CASK: variants seen among roughly 807,000 people sequenced by gnomAD.
CASK encodes the protein calcium/calmodulin dependent serine protein kinase, also known as peripheral plasma membrane protein CASK.
A neutral mutation model predicts 82.9 loss-of-function variants in CASK; 4 were observed. The ratio of observed to expected loss-of-function variants is 0.05; its 90% CI spans 0.02 to 0.11. The LOEUF is 0.11. CASK is among the 10% of genes least tolerant of loss of function. The probability of loss-of-function intolerance (pLI) is 1.00; values close to 1 mark genes in which losing one functional copy is unlikely to be tolerated. For missense variants in CASK, 358 were observed against 720.9 expected, an observed-to-expected ratio of 0.50 and a Z score of 5.76; for synonymous variants, 259 against 253.5, an observed-to-expected ratio of 1.02 and a Z score of -0.20.
chrX:41,555,926 TAAAAA>T, intron 19 of CASK: 1 of 168,144 alleles, frequency 5.9e-6, no homozygotes, highest in Non-Finnish European at 1.1e-5. Flanking sequence ...AACAGCCTAT[TAAAAA>T]AAAAAAATAA....
intron 9 of CASK, among the ~76,000 whole-genome samples, chrX:41,632,091 C>T (rs1399568347): frequency 9.0e-6 from 1 of 110,706 alleles, no homozygotes; most frequent in Non-Finnish European, 1.9e-5. Flanking sequence ...CAACCACACC[C>T]GGCAAATTTT....
intron 2 of CASK, among the ~76,000 whole-genome samples, chrX:41,847,439 T>C (rs2071177820): frequency 8.9e-6 from 1 of 111,996 alleles, no homozygotes; most frequent in African/African-American, 3.2e-5. Context: ...AGAATTTTGA[T>C]TTGATTTTCT....
At chrX:41,883,272 T>A (rs747846932) in intron 1 of CASK, among the ~76,000 whole-genome samples, 2 of 111,871 alleles carry the variant, frequency 1.8e-5, no homozygotes, top group East Asian at 5.6e-4. Context: ...TTAAATCGAC[T>A]GAAAGTCACA....
intron 15 of CASK, among the ~76,000 whole-genome samples, chrX:41,576,209 G>A (rs971570915): frequency 2.7e-5 from 3 of 110,142 alleles, no homozygotes; most frequent in Middle Eastern, 4.6e-3. Flanking sequence ...TCCTGACCTC[G>A]TGATCCACCC....
chrX:41,826,065 A>G (rs781065827), intron 2 of CASK, among the ~76,000 whole-genome samples: 5 of 112,016 alleles, frequency 4.5e-5, no homozygotes, highest in Admixed American at 9.5e-5. Flanking sequence ...GGATTTTAGT[A>G]CTGCCTCGGA....
chrX:41,910,391 G>T (rs2801156), intron 1 of CASK, among the ~76,000 whole-genome samples: 18,910 of 110,785 alleles, frequency 0.17, 1,439 homozygotes, highest in Middle Eastern at 0.29. Context: ...AAACCAACTG[G>T]TGATATCACA....
chrX:41,648,919 C>T (rs1469341432), intron 8 of CASK, among the ~76,000 whole-genome samples: 1 of 111,529 alleles, frequency 9.0e-6, no homozygotes, highest in Non-Finnish European at 1.9e-5. Flanking sequence ...TTAATTATTG[C>T]CTCAATTTCA....
chrX:41,604,522 C>G (rs1394468823), intron 12 of CASK, among the ~76,000 whole-genome samples: 2 of 108,480 alleles, frequency 1.8e-5, no homozygotes, highest in Admixed American at 2.0e-4. Flanking sequence ...TTCCCTGGAT[C>G]CTTTGGAGGG....
intron 3 of CASK, among the ~76,000 whole-genome samples, chrX:41,758,184 C>T (rs2068931732): frequency 9.0e-6 from 1 of 111,281 alleles, no homozygotes; most frequent in Non-Finnish European, 1.9e-5. Flanking sequence ...CCTGTAATCC[C>T]AGCACTTTGG....
chrX:41,596,064 G>T (rs1348568732), intron 12 of CASK, among the ~76,000 whole-genome samples: 1 of 109,727 alleles, frequency 9.1e-6, no homozygotes, highest in East Asian at 2.9e-4. Context: ...GTGTGGTGGT[G>T]CATGCCTGTA....
intron 5 of CASK, chrX:41,696,076 T>C: frequency 8.3e-7 from 1 of 1,201,829 alleles, no homozygotes. Flanking sequence ...CTTGGATTCA[T>C]CAGTTTGGAT....
In CASK at chrX:41,909,766, G is replaced by A. The variant is rs766670081; in HGVS notation, c.59+13164C>T. Reference sequence around the variant, plus strand: ...ATTACAGGCACACGCCACCATGGCCGGCTAATTTTATGACATTTTTAGTAG... The same window carrying A: ...ATTACAGGCACACGCCACCATGGCCAGCTAATTTTATGACATTTTTAGTAG... On this transcript the variant is annotated intron_variant, in intron 1 of 26. Coordinates refer to ENST00000378163, the MANE Select transcript of CASK (RefSeq NM_001367721.1). 2.7e-5 allele frequency among the ~76,000 whole-genome samples: 3 copies of A among 111,331 alleles called. No homozygotes were observed. In the South Asian group the frequency reaches 1.1e-3, roughly 42 times the overall value.
chrX:41,895,752 G>C (rs1324789661), intron 1 of CASK, among the ~76,000 whole-genome samples: 2 of 111,666 alleles, frequency 1.8e-5, no homozygotes, highest in African/African-American at 6.5e-5. Context: ...ACCTGCAGTG[G>C]GGGAATCTAA....
chrX:41,682,012 G>A (rs1390410801), intron 5 of CASK, among the ~76,000 whole-genome samples: 2 of 101,367 alleles, frequency 2.0e-5, no homozygotes, highest in African/African-American at 7.3e-5. Context: ...AACTGCAATT[G>A]GCTGCCATCT....
At chrX:41,523,193 AATATAC>A (rs2064662825) in intron 26 of CASK, among the ~76,000 whole-genome samples, 1 of 112,775 alleles carries the variant, frequency 8.9e-6, no homozygotes, top group Admixed American at 9.3e-5. Context: ...TTTACAAAGG[AATATAC>A]CTCTTGCAGA....
Position 41,770,291 on chromosome X carries a change from TCTATCTAC to T in CASK, c.278+16879_278+16886del, listed in dbSNP as rs1398428989. ...ATCTATCTATCTATCTATCTATCTA[TCTATCTAC>T]CTACCTACCTACCTATCCATCCATC... is the stretch of plus-strand genomic sequence containing the variant. On this transcript the variant is annotated intron_variant, in intron 3 of 26. Coordinates refer to ENST00000378163, the MANE Select transcript of CASK (RefSeq NM_001367721.1). Among the ~76,000 whole-genome samples the T allele has an allele frequency of 2.5e-3, 245 of 97,258 alleles. 2 individuals carry two copies. Among genetic ancestry groups the T allele is most frequent in the South Asian group, 3.4e-3 (7 of 2,071 alleles). The allele number at this position is 97,258 out of a possible 115,157, so 84.5% of individuals were successfully genotyped here.
rs76853559 is a variant in CASK, at chrX:41,755,488, T to C, written c.279-9887A>G. 0.011 allele frequency among the ~76,000 whole-genome samples: 1,239 copies of C among 112,021 alleles called. 33 individuals carry two copies. In the East Asian group the frequency reaches 0.14, roughly 13 times the overall value. The stretch of plus-strand genomic sequence containing the variant: ...CACTGATAGATTAAAGATGAAAGAT[T>C]ATGTGGTCAGGTCAATAAATGTCAA... On this transcript the variant is annotated intron_variant, in intron 3 of 26. Transcript: ENST00000378163.
chrX:41,699,751 ATCTG>A (rs1021236253), intron 5 of CASK, among the ~76,000 whole-genome samples: 1 of 111,448 alleles, frequency 9.0e-6, no homozygotes, highest in Non-Finnish European at 1.9e-5. Context: ...ATATAAATCA[ATCTG>A]TCTATTTATA....
intron 2 of CASK, among the ~76,000 whole-genome samples, chrX:41,803,559 T>C (rs2070050053): frequency 9.0e-6 from 1 of 111,467 alleles, no homozygotes; most frequent in South Asian, 3.8e-4. Context: ...GCCATTGCAC[T>C]CCAGCCTGGG....
Sources: allele counts gnomAD v4.1 joint callset (sites outside exome capture counted in the v4.1 genomes callset), GRCh38; gene constraint gnomAD v4.1.1; transcripts MANE v1.5; gene names NCBI Gene and HGNC (gene_info 2026-07-23, HGNC 2026-07-21).